The following PDE11A variants were observed in gnomAD, a reference collection of about 807,000 sequenced individuals.
PDE11A encodes the protein phosphodiesterase 11A.
PDE11A carries 100 observed loss-of-function variants against 100.5 expected under a neutral mutation model. The ratio of observed to expected loss-of-function variants is 1.00; its 90% CI spans 0.85 to 1.18. The LOEUF (loss-of-function observed/expected upper bound fraction) is 1.18. Among genes scored for constraint, PDE11A ranks in the 50% most tolerant of loss-of-function variants. The pLI, the probability that PDE11A is intolerant of heterozygous loss-of-function variation, is 0.00. For synonymous variants in PDE11A, 381 were observed against 420.8 expected (o/e 0.91, Z 1.16); for missense variants, 1,141 against 1,152.6 (o/e 0.99, Z 0.15).
intron 10 of PDE11A, among the ~76,000 whole-genome samples, chr2:177,734,526 A>C (rs2081744329): frequency 6.6e-6 from 1 of 152,258 alleles, no homozygotes; most frequent in African/African-American, 2.4e-5. Flanking sequence ...AGTAGGATTT[A>C]AATTCTCCTG....
At chr2:177,860,674 A>T (rs985215236) in intron 5 of PDE11A, among the ~76,000 whole-genome samples, 2 of 151,780 alleles carry the variant, frequency 1.3e-5, no homozygotes, top group African/African-American at 4.8e-5. Flanking sequence ...TTATAAATAT[A>T]GATGCAAAAA....
chr2:177,922,870 G>T, intron 2 of PDE11A: 1 of 958,818 alleles, frequency 1.0e-6, no homozygotes, highest in Non-Finnish European at 1.2e-6. Context: ...CCATGCCCAT[G>T]TACAACTAAG....
Position 177,701,125 on chromosome 2 carries a change from C to G in PDE11A, c.2240G>C (p.Ser747Thr). The G allele has an allele frequency of 6.4e-7, 1 of 1,570,412 alleles. No homozygotes were observed. The highest frequency in any genetic ancestry group is 8.8e-7 in the Non-Finnish European group (1 of 1,140,102). Residue 747 changes from serine to threonine, a missense_variant, in exon 14 of 20, where the codon AGT (serine) becomes ACT (threonine). Coordinates refer to ENST00000286063, the MANE Select transcript of PDE11A (RefSeq NM_016953.4). ...HFNHAVMILQ[S>T]EGHNIFANLS... Reference sequence around the variant, plus strand: ...AGCAGAACATCAGGCCTGTACCTCACTTTGAAGGATCATCACGGCGTGGTT... The same window carrying G: ...AGCAGAACATCAGGCCTGTACCTCAGTTTGAAGGATCATCACGGCGTGGTT...
rs570433752 is a variant in PDE11A at position 177,814,944 on chromosome 2, G to A, written c.1737+1885C>T. 1.6e-4 allele frequency among the ~76,000 whole-genome samples: 25 copies of A among 152,308 alleles called. No homozygotes were observed. The South Asian group carries it at 4.6e-3, about 28-fold the overall frequency. ...CGCAGTTATTCTAGCTCCTTCTCAAGAGGACGACGATGTGCCAGAGGTAGA... is the reference window on the plus strand; with the variant it reads ...CGCAGTTATTCTAGCTCCTTCTCAAAAGGACGACGATGTGCCAGAGGTAGA... On this transcript the variant is annotated intron_variant, in intron 9 of 19. Transcript: ENST00000286063.
At chr2:177,664,702 G>C (rs546942269) in intron 18 of PDE11A, among the ~76,000 whole-genome samples, 2 of 152,194 alleles carry the variant, frequency 1.3e-5, no homozygotes, top group Non-Finnish European at 2.9e-5. Flanking sequence ...GTGCCAGTGA[G>C]ACTGTCTCTC....
intron 5 of PDE11A, among the ~76,000 whole-genome samples, chr2:177,874,337 A>G (rs1334323360): frequency 6.6e-6 from 1 of 152,242 alleles, no homozygotes; most frequent in Non-Finnish European, 1.5e-5. Flanking sequence ...CATGGAACAC[A>G]TAACAGTCAA....
intron 2 of PDE11A, among the ~76,000 whole-genome samples, chr2:177,956,979 C>CA (rs1311460448): frequency 6.6e-6 from 1 of 151,488 alleles, no homozygotes; most frequent in Non-Finnish European, 1.5e-5. Flanking sequence ...TGCAGCACGC[C>CA]AACATGGCAC....
chr2:178,104,273 G>A, intron 2 of PDE11A: 2 of 1,596,366 alleles, frequency 1.3e-6, no homozygotes, highest in Non-Finnish European at 1.7e-6. Context: ...CAGTGTATCT[G>A]GTTCTCTCCC....
intron 17 of PDE11A, among the ~76,000 whole-genome samples, chr2:177,673,827 T>C (rs1403516729): frequency 6.6e-6 from 1 of 152,178 alleles, no homozygotes; most frequent in Admixed American, 6.5e-5. Context: ...GGTGGGGTCA[T>C]GTGACAAGTT....
chr2:177,738,330 G>A (rs1431404391), intron 10 of PDE11A, among the ~76,000 whole-genome samples: 1 of 152,098 alleles, frequency 6.6e-6, no homozygotes, highest in Non-Finnish European at 1.5e-5. Context: ...GTGGCTCTGT[G>A]AGTTTGTCAT....
chr2:177,821,259 C>T (rs1462222871), intron 6 of PDE11A, among the ~76,000 whole-genome samples: 1 of 151,392 alleles, frequency 6.6e-6, no homozygotes, highest in Non-Finnish European at 1.5e-5. Context: ...ATTCATTGTA[C>T]CAATATGTTA....
At chr2:177,732,254 A>G (rs1430410851) in intron 10 of PDE11A, among the ~76,000 whole-genome samples, 1 of 152,220 alleles carries the variant, frequency 6.6e-6, no homozygotes, top group African/African-American at 2.4e-5. Flanking sequence ...TTCTTAGGGA[A>G]GATCCAAACA....
intron 5 of PDE11A, 64 bp from the exon 6 acceptor site, chr2:177,840,447 C>G (rs2083473429): frequency 7.2e-7 from 1 of 1,389,140 alleles, no homozygotes; most frequent in South Asian, 1.2e-5. Flanking sequence ...GAAAGGAAAC[C>G]CTATAAACTA....
intron 17 of PDE11A, among the ~76,000 whole-genome samples, chr2:177,670,226 G>A (rs891010198): frequency 1.3e-5 from 2 of 152,072 alleles, no homozygotes. Flanking sequence ...CTGGATCTAC[G>A]CACTAAAAGT....
chr2:178,089,276 C>A (rs1468358528), intron 2 of PDE11A, among the ~76,000 whole-genome samples: 1 of 152,068 alleles, frequency 6.6e-6, no homozygotes, highest in Non-Finnish European at 1.5e-5. Flanking sequence ...AAAATTATTC[C>A]AACACTTGTT....
At chr2:178,077,260 C>CTTTTTTTTTTTTTTTTTT (rs57259393), upstream of PDE11A, among the ~76,000 whole-genome samples, 1 of 98,652 alleles carries the variant, frequency 1.0e-5, no homozygotes, top group East Asian at 3.0e-4. Flanking sequence ...TTCTTTCTTT[C>CTTTTTTTTTTTTTTTTTT]TTTTTTTTTT....
intron 19 of PDE11A, among the ~76,000 whole-genome samples, chr2:177,662,005 C>G (rs180777377): frequency 1.3e-5 from 2 of 152,014 alleles, no homozygotes; most frequent in African/African-American, 4.8e-5. Context: ...TGTATCTAAC[C>G]GACAGATAAG....
intron 4 of PDE11A, among the ~76,000 whole-genome samples, chr2:177,879,602 G>A (rs1248774572): frequency 6.6e-6 from 1 of 152,130 alleles, no homozygotes; most frequent in African/African-American, 2.4e-5. Context: ...AAAAATAAGT[G>A]CACTTCTGGT....
chr2:177,743,679 C>G (rs1348312106), intron 10 of PDE11A, among the ~76,000 whole-genome samples: 1 of 152,082 alleles, frequency 6.6e-6, no homozygotes, highest in Non-Finnish European at 1.5e-5. Context: ...GAATTCACAC[C>G]CTTATAAGGC....
Sources: gnomAD v4.1 joint callset for allele counts (sites outside exome capture counted in the v4.1 genomes callset) on GRCh38, gnomAD v4.1.1 for gene constraint, MANE v1.5 for transcripts, NCBI Gene and HGNC (gene_info 2026-07-23, HGNC 2026-07-21) for gene names.